Variants in ARID2 observed in about 807,000 individuals in gnomAD.
ARID2 encodes AT-rich interaction domain 2.
Under a neutral mutation model 184.6 loss-of-function variants are expected in ARID2, and 32 were observed. The observed-to-expected ratio is 0.17, with a 90% CI of 0.13 to 0.23. The LOEUF (loss-of-function observed/expected upper bound fraction) is 0.23, where lower values mean the gene tolerates loss of function less well. Among genes scored for constraint, ARID2 ranks in the 10% least tolerant of loss-of-function variants. The pLI is 1.00. For synonymous variants in ARID2, 836 were observed against 772.6 expected (o/e 1.08, Z -1.36); for missense variants, 1,696 against 2,197.6 (o/e 0.77, Z 4.56).
intron 6 of ARID2, among the ~76,000 whole-genome samples, chr12:45,835,183 A>C (rs1349219138): frequency 6.6e-6 from 1 of 152,062 alleles, no homozygotes; most frequent in Non-Finnish European, 1.5e-5. Flanking sequence ...TATGTTTTTC[A>C]GTTGTAGAAT....
At chr12:45,785,897 G>A (rs1464937170) in intron 3 of ARID2, among the ~76,000 whole-genome samples, 1 of 152,108 alleles carries the variant, frequency 6.6e-6, no homozygotes, top group East Asian at 1.9e-4. Context: ...GTGTAGGGCA[G>A]TGGTCCCCAA....
At chr12:45,812,383 TC>T (rs1251430223) in intron 4 of ARID2, among the ~76,000 whole-genome samples, 1 of 152,130 alleles carries the variant, frequency 6.6e-6, no homozygotes, top group Non-Finnish European at 1.5e-5. Context: ...AACTTTTTTT[TC>T]GTATTATCTA....
chr12:45,852,892 C>T lies in ARID2; in HGVS notation c.4769C>T (p.Pro1590Leu), dbSNP rs765441891. 2.5e-5 allele frequency: 39 copies of T among 1,565,882 alleles called. No individual in the cohort carries two copies. Among genetic ancestry groups the T allele is most frequent in the East Asian group, 1.4e-4 (6 of 44,212 alleles). The change falls in exon 15 of 21, where the codon CCG becomes CTG. Residue 1590 changes from proline to leucine, a missense_variant. Transcript: ENST00000334344. ...CCAACATATGTACAGAATGTGGTCC[C>T]GCAGGTAAGTTATTCCATGATCACA... ...HPPTYVQNVV[P>L]QNTPMPPSPA...
In ARID2 at chr12:45,893,259, C is replaced by T. The variant is rs538430845; in HGVS notation, c.5148-161C>T. On this transcript the variant is annotated intron_variant, in intron 18 of 20. Coordinates refer to ENST00000334344, the MANE Select transcript of ARID2 (RefSeq NM_152641.4). ...AAGCGCCCCTTTGCCTAGGCTGTCA[C>T]AGAGCATAAACGTTAATGCTAGACC... is the stretch of plus-strand genomic sequence containing the variant. Among the ~76,000 whole-genome samples, 3 of 152,322 alleles carry T rather than the reference C, an allele frequency of 2.0e-5. No homozygotes were observed. In the South Asian group the frequency reaches 6.2e-4, roughly 32 times the overall value.
At chr12:45,859,860 A>G (rs1943712342) in intron 15 of ARID2, among the ~76,000 whole-genome samples, 2 of 152,110 alleles carry the variant, frequency 1.3e-5, no homozygotes, top group Non-Finnish European at 1.5e-5. Flanking sequence ...CAGCCTCCCA[A>G]GTAGCTGGGA....
Position 45,850,526 on chromosome 12 carries a change from G to A in ARID2, c.2403G>A (p.Met801Ile). ...AACAAGCTGTCCCACAGAGTCATAT[G>A]TTTGGCAGAGTACAGAACATACCAG... ...VIQQAVPQSH[M>I]FGRVQNIPAC... Residue 801 changes from methionine (M) to isoleucine (I), a missense_variant, in exon 15 of 21, where the codon ATG (methionine) becomes ATA (isoleucine). This residue lies in a region of ARID2 where 713 missense variants were observed against 824.4 expected (regional missense o/e 0.86). Coordinates refer to ENST00000334344, the MANE Select transcript of ARID2 (RefSeq NM_152641.4). 1 of 1,614,070 alleles carries A rather than the reference G, an allele frequency of 6.2e-7. No homozygotes were observed. The highest frequency in any genetic ancestry group is 8.5e-7 in the Non-Finnish European group (1 of 1,179,988).
At chr12:45,798,843 C>T (rs1217366008) in intron 3 of ARID2, among the ~76,000 whole-genome samples, 1 of 151,962 alleles carries the variant, frequency 6.6e-6, no homozygotes, top group African/African-American at 2.4e-5. Context: ...GTTACTTCTT[C>T]CATCCAGCTT....
At chr12:45,879,328 C>T (rs1944063435) in intron 16 of ARID2, among the ~76,000 whole-genome samples, 1 of 152,102 alleles carries the variant, frequency 6.6e-6, no homozygotes, top group Admixed American at 6.6e-5. Flanking sequence ...GTGAAGAGAA[C>T]AGTCTGGGCA....
chr12:45,905,094 A>C lies in ARID2; in HGVS notation c.*16A>C, dbSNP rs183623382. ...GCTGCAGTGAAAAATAATTCCACTT[A>C]CACAGTGGGGGACTCAAAGTCAGCC... On this transcript the variant is annotated 3_prime_UTR_variant, in exon 21 of 21. Transcript: ENST00000334344. The C allele has an allele frequency of 3.4e-3, 5,463 of 1,610,620 alleles. 17 individuals carry two copies. The highest frequency in any genetic ancestry group is 3.2e-3 in the Non-Finnish European group (3,808 of 1,178,188).
intron 15 of ARID2, among the ~76,000 whole-genome samples, chr12:45,858,885 G>A (rs541460352): frequency 1.3e-5 from 2 of 152,262 alleles, no homozygotes; most frequent in East Asian, 3.9e-4. Flanking sequence ...TTAAGAGTGG[G>A]AACCTATTAT....
intron 20 of ARID2, among the ~76,000 whole-genome samples, chr12:45,903,472 G>A (rs1944484052): frequency 6.6e-6 from 1 of 152,106 alleles, no homozygotes; most frequent in South Asian, 2.1e-4. Context: ...GCTACTCCAT[G>A]TACTTGCCAA....
Position 45,835,912 on chromosome 12 carries a change from C to CAAA in ARID2, c.706-674_706-672dup, listed in dbSNP as rs1466982573. Reference sequence around the variant, plus strand: ...CGAAACTCCATCTCAAAAAAAAAAACAAAAACAAAAAAGAAATGTCAAATT... The same window carrying CAAA: ...CGAAACTCCATCTCAAAAAAAAAAACAAAAAAAACAAAAAAGAAATGTCAAATT... On this transcript the variant is annotated intron_variant, in intron 6 of 20. Coordinates refer to ENST00000334344, the MANE Select transcript of ARID2 (RefSeq NM_152641.4). Among the ~76,000 whole-genome samples, 1,051 of 150,476 alleles carry CAAA rather than the reference C, an allele frequency of 7.0e-3. 9 individuals are homozygous for CAAA. Among genetic ancestry groups the CAAA allele is most frequent in the African/African-American group, 0.024 (992 of 41,102 alleles).
rs770809258 is a variant in ARID2 at position 45,729,917 on chromosome 12, C to T, written c.81C>T (p.His27=). The change falls in exon 1 of 21, where the codon CAC becomes CAT. Residue 27 remains histidine (H), a synonymous_variant. Coordinates refer to ENST00000334344, the MANE Select transcript of ARID2 (RefSeq NM_152641.4). The part of the protein sequence containing the change: ...LAFLDELRQF[H]HSRGSPFKKI... The stretch of plus-strand genomic sequence containing the variant: ...TCCTGGACGAGCTGCGGCAGTTCCA[C>T]CACAGCAGAGGGTGAGAGCAGAACC... 1.1e-5 allele frequency: 18 copies of T among 1,609,056 alleles called. No individual in the cohort carries two copies. The highest frequency in any genetic ancestry group is 1.4e-5 in the Non-Finnish European group (16 of 1,177,998).
chr12:45,825,105 G>T (rs937269023), intron 6 of ARID2, among the ~76,000 whole-genome samples: 9 of 151,890 alleles, frequency 5.9e-5, no homozygotes, highest in African/African-American at 1.9e-4. Flanking sequence ...AGAGGGTGAT[G>T]TACAAAGAGA....
chr12:45,789,509 T>C (rs975091115), intron 3 of ARID2: 5 of 152,230 alleles, frequency 3.3e-5, no homozygotes, highest in African/African-American at 1.2e-4. Context: ...ATTCTTCATA[T>C]GCTTGAGGAT....
At chr12:45,853,011 A>C in intron 15 of ARID2, 115 bp downstream of exon 15, 34 of 1,396,260 alleles carry the variant, frequency 2.4e-5, no homozygotes, top group Non-Finnish European at 3.0e-5. Flanking sequence ...GTATCAGCTC[A>C]CTTGTATCCA....
chr12:45,801,064 G>A (rs531845513), intron 3 of ARID2, among the ~76,000 whole-genome samples: 1 of 152,278 alleles, frequency 6.6e-6, no homozygotes, highest in South Asian at 2.1e-4. Context: ...TGTAATCCCA[G>A]CGCTTTGGGA....
At chr12:45,833,822 C>T (rs1037574271) in intron 6 of ARID2, among the ~76,000 whole-genome samples, 35 of 152,246 alleles carry the variant, frequency 2.3e-4, no homozygotes, top group African/African-American at 8.4e-4. Context: ...TTTTGACTAG[C>T]ATTGTGGAGT....
intron 5 of ARID2, 35 bp downstream of exon 5, chr12:45,817,923 C>A (rs1459360892): frequency 1.3e-6 from 2 of 1,518,832 alleles, no homozygotes; most frequent in Non-Finnish European, 1.8e-6. Context: ...TATAATTCTT[C>A]TGTAAAAGTT....
Sources: gnomAD v4.1 joint callset for allele counts (sites outside exome capture counted in the v4.1 genomes callset) on GRCh38, gnomAD v4.1.1 for gene constraint, gnomAD v4.1.1 regional missense constraint, MANE v1.5 for transcripts, NCBI Gene and HGNC (gene_info 2026-07-23, HGNC 2026-07-21) for gene names.